The following ZNF292 variants were observed in gnomAD, a reference collection of about 807,000 sequenced individuals.
ZNF292 encodes the protein zinc finger protein 292, also known as 16 zinc-finger domain protein.
A neutral mutation model predicts 217.9 loss-of-function variants in ZNF292; 26 were observed. The observed-to-expected ratio is 0.12, with a 90% CI of 0.09 to 0.17. The LOEUF (loss-of-function observed/expected upper bound fraction) is 0.17, where lower values mean the gene tolerates loss of function less well. ZNF292 is among the 10% of genes least tolerant of loss of function. The probability of loss-of-function intolerance (pLI) is 1.00; values close to 1 mark genes in which losing one functional copy is unlikely to be tolerated. For synonymous variants in ZNF292, 1,257 were observed against 1,124.1 expected (o/e 1.12, Z -2.37); for missense variants, 2,904 against 3,175.2 (o/e 0.91, Z 2.05).
intron 4 of ZNF292, among the ~76,000 whole-genome samples, chr6:87,228,021 T>C (rs557990381): frequency 6.6e-6 from 1 of 152,320 alleles, no homozygotes; most frequent in Non-Finnish European, 1.5e-5. Context: ...ACTTCTGTAC[T>C]GTTTTCCATA....
At chr6:87,156,072 T>C (rs371983051) in intron 1 of ZNF292, among the ~76,000 whole-genome samples, 1 of 152,004 alleles carries the variant, frequency 6.6e-6, no homozygotes. Context: ...TTGGAGAGAG[T>C]AGGAGAATGG....
rs748637202 is a variant in ZNF292 at position 87,155,614 on chromosome 6, A to G, written c.23A>G (p.Gln8Arg). ...AAGATGGCGGACGAAGAGGCCGAGC[A>G]GGAGAGGTTGAGTTGCGGCGAAGGC... MADEEAE[Q>R]ERLSCGEGGC... is the part of the protein sequence containing the mutation. The change falls in exon 1 of 8, where the codon CAG becomes CGG. Residue 8 changes from glutamine (Q) to arginine (R), a missense_variant. Around this residue, in one of 15 missense-constraint regions of ZNF292, gnomAD observed 66 missense variants for 44.1 expected, o/e 1.50. Transcript: ENST00000369577. 4.4e-6 allele frequency: 7 copies of G among 1,582,922 alleles called. No individual in the cohort carries two copies. The highest frequency in any genetic ancestry group is 6.0e-6 in the Non-Finnish European group (7 of 1,165,610).
intron 4 of ZNF292, among the ~76,000 whole-genome samples, chr6:87,228,475 A>G (rs1174212437): frequency 1.3e-5 from 2 of 152,126 alleles, no homozygotes; most frequent in African/African-American, 4.8e-5. Flanking sequence ...CCTATGACAC[A>G]TTTGGTGTCA....
intron 4 of ZNF292, among the ~76,000 whole-genome samples, chr6:87,222,614 A>G (rs993279152): frequency 2.0e-5 from 3 of 152,218 alleles, no homozygotes; most frequent in South Asian, 2.1e-4. Flanking sequence ...AAGAGTTTCC[A>G]TATACCCTGA....
At chr6:87,250,643 A>T (rs999860875) in intron 7 of ZNF292, among the ~76,000 whole-genome samples, 1 of 152,254 alleles carries the variant, frequency 6.6e-6, no homozygotes, top group Non-Finnish European at 1.5e-5. Flanking sequence ...GCCATTTTAT[A>T]TAAGGGACTT....
intron 1 of ZNF292, among the ~76,000 whole-genome samples, chr6:87,164,018 C>A (rs1486544297): frequency 6.6e-6 from 1 of 152,204 alleles, no homozygotes; most frequent in African/African-American, 2.4e-5. Flanking sequence ...CAGAATGTTA[C>A]AACCCTTGTT....
intron 1 of ZNF292, among the ~76,000 whole-genome samples, chr6:87,189,506 T>G (rs975853727): frequency 6.6e-6 from 1 of 152,126 alleles, no homozygotes; most frequent in South Asian, 2.1e-4. Context: ...ATTTGTAATA[T>G]CTCCTTAGGC....
At chr6:87,200,097 C>T (rs1278917346) in intron 1 of ZNF292, among the ~76,000 whole-genome samples, 3 of 152,168 alleles carry the variant, frequency 2.0e-5, no homozygotes, top group Non-Finnish European at 2.9e-5. Flanking sequence ...GCTTGTAGGT[C>T]TCTGAAGTTA....
intron 1 of ZNF292, among the ~76,000 whole-genome samples, chr6:87,196,669 T>C (rs895343886): frequency 1.3e-5 from 2 of 150,014 alleles, no homozygotes; most frequent in African/African-American, 5.0e-5. Flanking sequence ...ACCAGGTTGT[T>C]GGGGACTGTT....
intron 4 of ZNF292, among the ~76,000 whole-genome samples, chr6:87,221,136 ACT>A (rs1773065238): frequency 6.6e-6 from 1 of 152,152 alleles, no homozygotes; most frequent in Non-Finnish European, 1.5e-5. Context: ...GCCCAGCTCA[ACT>A]GAGAAATACT....
At chr6:87,200,415 G>C (rs150434413) in intron 1 of ZNF292, among the ~76,000 whole-genome samples, 182 of 152,276 alleles carry the variant, frequency 1.2e-3, no homozygotes, top group African/African-American at 4.3e-3. Context: ...AATTAATTCA[G>C]TGGATGAAAC....
At chr6:87,202,934 G>A (rs559982914) in intron 1 of ZNF292, among the ~76,000 whole-genome samples, 39 of 151,738 alleles carry the variant, frequency 2.6e-4, no homozygotes, top group African/African-American at 9.2e-4. Flanking sequence ...AACTATCTTA[G>A]GTATATGTAT....
rs1193006560 is a variant in ZNF292 at position 87,239,632 on chromosome 6, C to T, written c.742-3843C>T. ...ACGGAGGGGCTCCTCACTTCTCAGA[C>T]GGGGCGGCTGCCGGGCGGAGGGGCT... On this transcript the variant is annotated intron_variant, in intron 5 of 7. Coordinates refer to ENST00000369577, the MANE Select transcript of ZNF292 (RefSeq NM_015021.3). 2.7e-4 allele frequency among the ~76,000 whole-genome samples: 38 copies of T among 138,592 alleles called. No individual in the cohort carries two copies. The East Asian group carries it at 7.9e-3, about 29-fold the overall frequency. The allele number at this position is 138,592 out of a possible 152,430, so 90.9% of individuals were successfully genotyped here. A position where few individuals can be genotyped will look rare whatever the true frequency, so the allele number is the denominator to read the frequency against.
At chr6:87,169,343 CT>C (rs1351842615) in intron 1 of ZNF292, among the ~76,000 whole-genome samples, 4 of 148,930 alleles carry the variant, frequency 2.7e-5, no homozygotes, top group Admixed American at 6.7e-5. Flanking sequence ...GCCCAGCCTC[CT>C]TTTTTTTTTC....
chr6:87,155,823 G>A, intron 1 of ZNF292, 64 bp downstream of exon 1: 1 of 1,473,242 alleles, frequency 6.8e-7, no homozygotes. Flanking sequence ...GCGAGCGAGC[G>A]CTAGGCGGCC....
intron 1 of ZNF292, among the ~76,000 whole-genome samples, chr6:87,160,483 G>GTA (rs764353115): frequency 3.4e-5 from 5 of 145,538 alleles, no homozygotes; most frequent in African/African-American, 5.4e-5. Context: ...ACATGTGTTT[G>GTA]TATATATATG....
rs1775149832 is a variant in ZNF292 at position 87,255,329 on chromosome 6, G to A, written c.1700G>A (p.Gly567Glu). ...CATGCTCAGAAACATTACAAAGATG[G>A]AATTTATAGTTGCCCCATATGTGCA... ...VRHAQKHYKD[G>E]IYSCPICAKN... Residue 567 changes from glycine to glutamate, a missense_variant, in exon 8 of 8, where the codon GGA (glycine) becomes GAA (glutamate). Physicochemically the swap from Gly to Glu is moderately conservative, Grantham distance 98. This residue lies in a region of ZNF292 where 216 missense variants were observed against 308.3 expected (regional missense o/e 0.70). Coordinates refer to ENST00000369577, the MANE Select transcript of ZNF292 (RefSeq NM_015021.3). The A allele has an allele frequency of 6.2e-7, 1 of 1,613,738 alleles. No individual in the cohort carries two copies. The highest frequency in any genetic ancestry group is 8.5e-7 in the Non-Finnish European group (1 of 1,179,818).
chr6:87,156,418 ATC>A (rs1770541967), intron 1 of ZNF292, among the ~76,000 whole-genome samples: 1 of 152,198 alleles, frequency 6.6e-6, no homozygotes, highest in African/African-American at 2.4e-5. Flanking sequence ...TGCTTGGTGC[ATC>A]ACTTCTGTGG....
chr6:87,174,729 C>A (rs555976915), intron 1 of ZNF292, among the ~76,000 whole-genome samples: 18 of 152,254 alleles, frequency 1.2e-4, no homozygotes, highest in African/African-American at 3.6e-4. Context: ...CCATTAAACT[C>A]ATTTTTTTGG....
Sources: gnomAD v4.1 joint callset for allele counts (sites outside exome capture counted in the v4.1 genomes callset) on GRCh38, gnomAD v4.1.1 for gene constraint, gnomAD v4.1.1 regional missense constraint, MANE v1.5 for transcripts, NCBI Gene and HGNC (gene_info 2026-07-23, HGNC 2026-07-21) for gene names.